The following TRIM44 variants were observed in gnomAD, a reference collection of about 807,000 sequenced individuals.
The protein encoded by TRIM44 is tripartite motif containing 44, also known as tripartite motif-containing protein 44.
Under a neutral mutation model 37.4 loss-of-function variants are expected in TRIM44, and 13 were observed. The ratio of observed to expected loss-of-function variants is 0.35; its 90% CI spans 0.23 to 0.55. The LOEUF (loss-of-function observed/expected upper bound fraction) is 0.55, where lower values mean the gene tolerates loss of function less well. Ranked by LOEUF, TRIM44 falls within the 20% of genes least tolerant of loss-of-function variation. TRIM44 has a pLI of 0.89. For synonymous variants in TRIM44, 175 were observed against 157.2 expected (o/e 1.11, Z -0.85); for missense variants, 426 against 437.2 (o/e 0.97, Z 0.23).
chr11:35,711,084 T>C (rs893971052), intron 2 of TRIM44, among the ~76,000 whole-genome samples: 2 of 152,056 alleles, frequency 1.3e-5, no homozygotes, highest in Non-Finnish European at 2.9e-5. Flanking sequence ...GGGTTTCTTT[T>C]GGGGGTGATG....
intron 2 of TRIM44, among the ~76,000 whole-genome samples, chr11:35,720,029 G>A (rs2135512721): frequency 6.6e-6 from 1 of 152,194 alleles, no homozygotes; most frequent in African/African-American, 2.4e-5. Flanking sequence ...TAGGTCTTTT[G>A]CCACTCCAAA....
intron 2 of TRIM44, among the ~76,000 whole-genome samples, chr11:35,700,474 T>G (rs555754543): frequency 1.3e-5 from 2 of 152,346 alleles, no homozygotes; most frequent in South Asian, 4.1e-4. Flanking sequence ...TCACACACCT[T>G]GCTTGTAAAA....
chr11:35,745,776 A>G (rs969503934), intron 4 of TRIM44, among the ~76,000 whole-genome samples: 5 of 152,138 alleles, frequency 3.3e-5, no homozygotes, highest in Admixed American at 6.5e-5. Context: ...GACTATGACA[A>G]TTTAGACACA....
intron 2 of TRIM44, among the ~76,000 whole-genome samples, chr11:35,718,209 G>T (rs1852061211): frequency 6.6e-6 from 1 of 152,112 alleles, no homozygotes; most frequent in Admixed American, 6.5e-5. Context: ...AAATGGGAAG[G>T]CAGAGAATGA....
chr11:35,664,525 A>G (rs1223946579), intron 1 of TRIM44, among the ~76,000 whole-genome samples: 1 of 152,106 alleles, frequency 6.6e-6, no homozygotes, highest in African/African-American at 2.4e-5. Context: ...TCGGGGAGGG[A>G]GGGGGAAATT....
chr11:35,789,519 C>T (rs1853173981), intron 4 of TRIM44, among the ~76,000 whole-genome samples: 1 of 152,120 alleles, frequency 6.6e-6, no homozygotes, highest in South Asian at 2.1e-4. Context: ...GAAACTGGGA[C>T]CCAGTGGAAT....
intron 1 of TRIM44, among the ~76,000 whole-genome samples, chr11:35,683,081 T>C (rs1184445042): frequency 6.6e-6 from 1 of 152,136 alleles, no homozygotes; most frequent in Non-Finnish European, 1.5e-5. Flanking sequence ...ACAGGCTTTA[T>C]TGTCTGATCA....
At chr11:35,793,957 G>A (rs1853250268) in intron 4 of TRIM44, among the ~76,000 whole-genome samples, 1 of 152,196 alleles carries the variant, frequency 6.6e-6, no homozygotes, top group Non-Finnish European at 1.5e-5. Flanking sequence ...TGTCTAGCAA[G>A]TAATAACTTC....
intron 2 of TRIM44, among the ~76,000 whole-genome samples, chr11:35,714,337 A>G (rs1008593275): frequency 2.0e-5 from 3 of 152,110 alleles, no homozygotes; most frequent in African/African-American, 4.8e-5. Context: ...TGAGAATGTT[A>G]TTATTACCCT....
chr11:35,746,288 C>G (rs2065883017), intron 4 of TRIM44, among the ~76,000 whole-genome samples: 1 of 152,076 alleles, frequency 6.6e-6, no homozygotes, highest in African/African-American at 2.4e-5. Flanking sequence ...GTTATGCCTC[C>G]CTCACCTGTG....
intron 1 of TRIM44, among the ~76,000 whole-genome samples, chr11:35,682,732 A>G (rs960064681): frequency 6.6e-6 from 1 of 152,128 alleles, no homozygotes; most frequent in African/African-American, 2.4e-5. Flanking sequence ...GCTTTGTGAA[A>G]AGGAGGAAGG....
At chr11:35,740,440 G>A (rs1427914687) in intron 4 of TRIM44, among the ~76,000 whole-genome samples, 5 of 152,018 alleles carry the variant, frequency 3.3e-5, no homozygotes, top group African/African-American at 1.2e-4. Flanking sequence ...TGCTATTGAG[G>A]TTTTCTGTAA....
At chr11:35,784,627 T>C (rs116434901) in intron 4 of TRIM44, among the ~76,000 whole-genome samples, 1,945 of 152,366 alleles carry the variant, frequency 0.013, 45 homozygotes, top group African/African-American at 0.044. Flanking sequence ...TGTATATGTA[T>C]GTGTGTATAC....
chr11:35,763,719 G>A (rs189552125), intron 4 of TRIM44, among the ~76,000 whole-genome samples: 8 of 152,308 alleles, frequency 5.3e-5, no homozygotes, highest in African/African-American at 1.7e-4. Context: ...ACCTAGTTTT[G>A]CATTTGTCTG....
chr11:35,684,890 A>T (rs1590504073), intron 1 of TRIM44, among the ~76,000 whole-genome samples: 1 of 152,342 alleles, frequency 6.6e-6, no homozygotes, highest in Non-Finnish European at 1.5e-5. Flanking sequence ...ATACTTCTAT[A>T]TCTGATGCAT....
chr11:35,785,601 G>A (rs1853121293), intron 4 of TRIM44, among the ~76,000 whole-genome samples: 1 of 152,172 alleles, frequency 6.6e-6, no homozygotes, highest in South Asian at 2.1e-4. Context: ...AGCAGGAGTG[G>A]CAACACAGTA....
chr11:35,707,558 AAC>A (rs1349511597), intron 2 of TRIM44, among the ~76,000 whole-genome samples: 1 of 150,878 alleles, frequency 6.6e-6, no homozygotes, highest in African/African-American at 2.4e-5. Flanking sequence ...CTGGTACCAA[AAC>A]AGAGATATAG....
chr11:35,759,088 A>C (rs1852688298), intron 4 of TRIM44, among the ~76,000 whole-genome samples: 1 of 152,198 alleles, frequency 6.6e-6, no homozygotes, highest in Non-Finnish European at 1.5e-5. Context: ...AATATCCTGC[A>C]GAGTGTTTTC....
rs1392665458 is a variant in TRIM44, at chr11:35,807,904, G to C, written c.*1519G>C. 3.9e-5 allele frequency: 6 copies of C among 152,172 alleles called. No individual in the cohort carries two copies. Among genetic ancestry groups the C allele is most frequent in the African/African-American group, 1.4e-4 (6 of 41,446 alleles). The allele number at this position is 152,172 out of a possible 1,614,324, so 9.4% of individuals were successfully genotyped here. On this transcript the variant is annotated 3_prime_UTR_variant, in exon 5 of 5. Transcript: ENST00000299413. ...CTAGACTTCTAGTGCCTCTGAGGCA[G>C]AACCAAAGGAGCCTGCACTGGGGGA...
Sources: allele counts gnomAD v4.1 joint callset (sites outside exome capture counted in the v4.1 genomes callset), GRCh38; gene constraint gnomAD v4.1.1; transcripts MANE v1.5; gene names NCBI Gene and HGNC (gene_info 2026-07-23, HGNC 2026-07-21).